Variants in CDH5 observed in about 807,000 individuals in gnomAD.
The protein encoded by CDH5 is cadherin-5.
In CDH5, 28 loss-of-function variants were observed where a neutral mutation model predicts 62.0. That is an observed-to-expected ratio of 0.45 (90% confidence interval 0.33 to 0.62). The LOEUF (loss-of-function observed/expected upper bound fraction) is 0.62. Among genes scored for constraint, CDH5 ranks in the 20% least tolerant of loss-of-function variants. CDH5 has a pLI of 0.02. For synonymous variants in CDH5, 464 were observed against 445.8 expected (o/e 1.04, Z -0.52); for missense variants, 940 against 1,065.1 (o/e 0.88, Z 1.63).
At chr16:66,387,917 C>A (rs1961014194) in intron 3 of CDH5, among the ~76,000 whole-genome samples, 1 of 152,200 alleles carries the variant, frequency 6.6e-6, no homozygotes, top group South Asian at 2.1e-4. Flanking sequence ...CCAGCCAGGG[C>A]CCTGGGACCA....
chr16:66,380,326 G>A (rs1478128160), intron 2 of CDH5, among the ~76,000 whole-genome samples: 2 of 150,016 alleles, frequency 1.3e-5, no homozygotes, highest in Non-Finnish European at 1.5e-5. Context: ...TGATAAAGGG[G>A]TAGGTGGTGA....
chr16:66,393,631 T>C (rs1256277397), intron 7 of CDH5, among the ~76,000 whole-genome samples: 1 of 152,210 alleles, frequency 6.6e-6, no homozygotes, highest in Non-Finnish European at 1.5e-5. Context: ...GGATTACATT[T>C]CAACATGAGA....
At chr16:66,374,226 C>A (rs754429484) in intron 1 of CDH5, among the ~76,000 whole-genome samples, 8 of 152,138 alleles carry the variant, frequency 5.3e-5, no homozygotes, top group Non-Finnish European at 1.2e-4. Context: ...CTCCACCGTC[C>A]CAGGCGAGAA....
At position 66,379,335 on chromosome 16, in the gene CDH5, A is replaced by G; in HGVS notation, c.-3A>G. The G allele has an allele frequency of 1.2e-6, 2 of 1,604,474 alleles. No individual in the cohort carries two copies. Among genetic ancestry groups the G allele is most frequent in the Non-Finnish European group, 1.7e-6 (2 of 1,173,450 alleles). ...TTTCCCCAGATCTGTTCCTCCTGGG[A>G]AGATGCAGAGGCTCATGATGCTCCT... On this transcript the variant is annotated 5_prime_UTR_variant, in exon 2 of 12. Transcript: ENST00000341529.
chr16:66,381,307 C>A (rs1454827368), intron 2 of CDH5, among the ~76,000 whole-genome samples: 4 of 152,224 alleles, frequency 2.6e-5, no homozygotes, highest in Non-Finnish European at 5.9e-5. Context: ...GACTCTGACC[C>A]TCACTTTGTC....
rs188971595 is a variant in CDH5, at chr16:66,404,481, C to T, written c.*1312C>T. On this transcript the variant is annotated 3_prime_UTR_variant, in exon 12 of 12. Transcript: ENST00000341529. ...TCACACTGCAAGGGATTGTAGATAA[C>T]ACTGACTTGTTTGTTTTAACCAATA... The T allele has an allele frequency of 6.6e-6, 1 of 152,346 alleles. No individual in the cohort carries two copies. Among genetic ancestry groups the T allele is most frequent in the Admixed American group, 6.5e-5 (1 of 15,308 alleles). The allele number at this position is 152,346 out of a possible 1,614,324, so 9.4% of individuals were successfully genotyped here. A position where few individuals can be genotyped will look rare whatever the true frequency, so the allele number is the denominator to read the frequency against.
chr16:66,371,685 T>C (rs1457132573), intron 1 of CDH5, among the ~76,000 whole-genome samples: 1 of 152,060 alleles, frequency 6.6e-6, no homozygotes, highest in Non-Finnish European at 1.5e-5. Flanking sequence ...GAAAACCCCC[T>C]ATACTGCAAA....
At chr16:66,380,222 G>A (rs1360763456) in intron 2 of CDH5, among the ~76,000 whole-genome samples, 1 of 140,016 alleles carries the variant, frequency 7.1e-6, no homozygotes, top group African/African-American at 2.8e-5. Flanking sequence ...GGTGATGGTG[G>A]TGATGATAAA....
chr16:66,381,992 C>T (rs1960907132), intron 2 of CDH5, among the ~76,000 whole-genome samples: 1 of 152,200 alleles, frequency 6.6e-6, no homozygotes, highest in African/African-American at 2.4e-5. Context: ...TGGGGGTGCC[C>T]TCTGGCTGTA....
intron 1 of CDH5, among the ~76,000 whole-genome samples, chr16:66,373,041 C>T (rs1030739412): frequency 6.6e-6 from 1 of 152,138 alleles, no homozygotes; most frequent in African/African-American, 2.4e-5. Flanking sequence ...GTGGCCCCTC[C>T]CTGCTCACCA....
Position 66,403,404 on chromosome 16 carries a change from T to C in CDH5, c.*235T>C. The C allele has an allele frequency of 1.8e-6, 1 of 558,858 alleles. No homozygotes were observed. Among genetic ancestry groups the C allele is most frequent in the South Asian group, 2.1e-5 (1 of 47,830 alleles). 34.6% of individuals were successfully genotyped at this position (558,858 alleles called of 1,614,324 possible). A position where few individuals can be genotyped will look rare whatever the true frequency, so the allele number is the denominator to read the frequency against. Reference sequence around the variant, plus strand: ...TGCTGGCAAATCCAGGCTGGTGTTCTGTCTGGGCTCAGACATCCACATAAC... The same window carrying C: ...TGCTGGCAAATCCAGGCTGGTGTTCCGTCTGGGCTCAGACATCCACATAAC... On this transcript the variant is annotated 3_prime_UTR_variant, in exon 12 of 12. Coordinates refer to ENST00000341529, the MANE Select transcript of CDH5 (RefSeq NM_001795.5). The surrounding 1 kb of genome is among the most constrained non-coding windows in gnomAD (Gnocchi z 4.3).
chr16:66,402,667 T>G lies in CDH5; in HGVS notation c.1853T>G (p.Ile618Ser), dbSNP rs1567469777. ...CTGGCTGCAGTGATCACCCTGCTCA[T>G]CTTCCTGCGGCGGCGGCTCCGGAAG... is the stretch of plus-strand genomic sequence containing the variant. ...ILTITVITLL[I>S]FLRRRLRKQA... Residue 618 changes from isoleucine (I) to serine (S), a missense_variant, in exon 12 of 12, where the codon ATC becomes AGC. Physicochemically the swap from Ile to Ser is moderately radical, Grantham distance 142. Transcript: ENST00000341529. The G allele has an allele frequency of 6.3e-7, 1 of 1,598,260 alleles. No homozygotes were observed. The highest frequency in any genetic ancestry group is 8.5e-7 in the Non-Finnish European group (1 of 1,174,008).
chr16:66,392,824 C>T (rs1235629059), intron 7 of CDH5: 1 of 168,656 alleles, frequency 5.9e-6, no homozygotes, highest in Non-Finnish European at 1.3e-5. Context: ...ACCAAGAAAA[C>T]ACTGATAACC....
Position 66,392,155 on chromosome 16 carries a change from T to G in CDH5, c.989T>G (p.Ile330Ser). 1 of 1,614,092 alleles carries G rather than the reference T, an allele frequency of 6.2e-7. No individual in the cohort carries two copies. Among genetic ancestry groups the G allele is most frequent in the Non-Finnish European group, 8.5e-7 (1 of 1,180,030 alleles). The stretch of plus-strand genomic sequence containing the variant: ...ACGCAGCCTCTGGATTATGAATACA[T>G]CCAGCAATACAGCTTCATCGTCGAG... ...KPMKPLDYEY[I>S]QQYSFIVEAT... Residue 330 changes from isoleucine to serine, a missense_variant, in exon 7 of 12, where the codon ATC becomes AGC. By Grantham distance (142) the Ile-to-Ser change is moderately radical. Transcript: ENST00000341529.
chr16:66,390,307 T>C, intron 5 of CDH5, 96 bp from the exon 6 acceptor site: 1 of 935,810 alleles, frequency 1.1e-6, no homozygotes, highest in Non-Finnish European at 1.6e-6. Flanking sequence ...ATTATGCCCA[T>C]TTCTTTTATC....
intron 2 of CDH5, among the ~76,000 whole-genome samples, chr16:66,383,347 G>C (rs1424879942): frequency 6.6e-6 from 1 of 152,116 alleles, no homozygotes; most frequent in Non-Finnish European, 1.5e-5. Flanking sequence ...GGGAAAAAGA[G>C]GAGCAGGCAT....
chr16:66,402,675 C>A lies in CDH5; in HGVS notation c.1861C>A (p.Arg621=), dbSNP rs201864402. ...ITVITLLIFL[R]RRLRKQARAH... is the part of the protein sequence containing the mutation. ...AGTGATCACCCTGCTCATCTTCCTGCGGCGGCGGCTCCGGAAGCAGGCCCG... is the reference window on the plus strand; with the variant it reads ...AGTGATCACCCTGCTCATCTTCCTGAGGCGGCGGCTCCGGAAGCAGGCCCG... The change falls in exon 12 of 12, where the codon CGG becomes AGG. Residue 621 remains arginine, a synonymous_variant. Transcript: ENST00000341529. 1.6e-5 allele frequency: 26 copies of A among 1,600,930 alleles called. No individual in the cohort carries two copies. Among genetic ancestry groups the A allele is most frequent in the Middle Eastern group, 4.4e-4 (2 of 4,546 alleles).
rs111682143 is a variant in CDH5, at chr16:66,379,454, G to T, written c.117G>T (p.Leu39=). ...CCCAACGGGACACCCACAGCCTGCT[G>T]CCCACCCACCGGCGCCAAAAGAGAG... is the stretch of plus-strand genomic sequence containing the variant. ...NPAQRDTHSL[L]PTHRRQKRDW... Residue 39 remains leucine, a synonymous_variant, in exon 2 of 12, where the codon CTG becomes CTT. Coordinates refer to ENST00000341529, the MANE Select transcript of CDH5 (RefSeq NM_001795.5). 15 of 1,614,196 alleles carry T rather than the reference G, an allele frequency of 9.3e-6. No homozygotes were observed. The highest frequency in any genetic ancestry group is 1.6e-4 in the Middle Eastern group (1 of 6,062).
chr16:66,385,741 A>G (rs758056319), intron 2 of CDH5, among the ~76,000 whole-genome samples: 4 of 152,238 alleles, frequency 2.6e-5, no homozygotes, highest in Non-Finnish European at 5.9e-5. Flanking sequence ...ACCTCAAAAC[A>G]CAGTCAAAGG....
Sources: gnomAD v4.1 joint callset for allele counts (sites outside exome capture counted in the v4.1 genomes callset) on GRCh38, gnomAD v4.1.1 for gene constraint, Gnocchi (gnomAD v3.1) non-coding constraint, MANE v1.5 for transcripts, NCBI Gene and HGNC (gene_info 2026-07-23, HGNC 2026-07-21) for gene names.